KCNK10: variants seen among roughly 807,000 people sequenced by gnomAD.
The protein encoded by KCNK10 is potassium channel subfamily K member 10.
KCNK10 carries 25 observed loss-of-function variants against 47.7 expected under a neutral mutation model. The observed-to-expected ratio is 0.52, with a 90% confidence interval of 0.38 to 0.73. KCNK10 has a LOEUF of 0.73. Ranked by LOEUF, KCNK10 falls within the 30% of genes least tolerant of loss-of-function variation. KCNK10 has a pLI of 0.00. For missense variants in KCNK10, 563 were observed against 714.5 expected, an observed-to-expected ratio of 0.79 and a Z score of 2.42; for synonymous variants, 303 against 285.6, an observed-to-expected ratio of 1.06 and a Z score of -0.61.
In KCNK10 at chr14:88,322,632, A is replaced by G; in HGVS notation, c.52+115T>C. On this transcript the variant is annotated intron_variant, in intron 1 of 6. Coordinates refer to ENST00000319231, the MANE Select transcript of KCNK10 (RefSeq NM_138317.3). The surrounding 1 kb of genome is among the most constrained non-coding windows in gnomAD (Gnocchi z 4.8). ...CACCCGCGCTGCAGTTCCCAGGCGCATTTCCCAGCCTCAGGACACACGCTG... is the reference window on the plus strand; with the variant it reads ...CACCCGCGCTGCAGTTCCCAGGCGCGTTTCCCAGCCTCAGGACACACGCTG... 1 of 1,449,560 alleles carries G rather than the reference A, an allele frequency of 6.9e-7. No individual in the cohort carries two copies. Among genetic ancestry groups the G allele is most frequent in the South Asian group, 1.2e-5 (1 of 84,712 alleles). The allele number at this position is 1,449,560 out of a possible 1,614,324, so 89.8% of individuals were successfully genotyped here. A position where few individuals can be genotyped will look rare whatever the true frequency, so the allele number is the denominator to read the frequency against.
In KCNK10 at chr14:88,287,674, GGTGTGTGTGTGTGTGTGTGT is replaced by G. The variant is rs199702993; in HGVS notation, c.53-24143_53-24124del. On this transcript the variant is annotated intron_variant, in intron 1 of 6. Transcript: ENST00000319231. Reference sequence around the variant, plus strand: ...TTTTTATGGCTGAATAGTATTCCATGGTGTGTGTGTGTGTGTGTGTGTGTGTGTGTGTGTGTGTGTGTGTG... The same window carrying G: ...TTTTTATGGCTGAATAGTATTCCATGGTGTGTGTGTGTGTGTGTGTGTGTG... Among the ~76,000 whole-genome samples, 524 of 141,628 alleles carry G rather than the reference GGTGTGTGTGTGTGTGTGTGT, an allele frequency of 3.7e-3. 4 individuals are homozygous for G. The highest frequency in any genetic ancestry group is 0.01 in the East Asian group (51 of 4,872). 92.9% of individuals were successfully genotyped at this position (141,628 alleles called of 152,430 possible). A position where few individuals can be genotyped will look rare whatever the true frequency, so the allele number is the denominator to read the frequency against.
chr14:88,253,418 T>C (rs891778100), intron 2 of KCNK10, among the ~76,000 whole-genome samples: 1 of 152,142 alleles, frequency 6.6e-6, no homozygotes, highest in African/African-American at 2.4e-5. Flanking sequence ...ATGATGAATA[T>C]GCTAATTTCC....
chr14:88,180,545 C>T lies in KCNK10; in HGVS notation c.*4990G>A. ...GCATAGGTCTGCTGAATCGACGGAG[C>T]AGGAGTCCTCTCAAAATAATTTATT... is the stretch of plus-strand genomic sequence containing the variant. On this transcript the variant is annotated 3_prime_UTR_variant, in exon 7 of 7. Coordinates refer to ENST00000319231, the MANE Select transcript of KCNK10 (RefSeq NM_138317.3). The T allele has an allele frequency of 5.6e-6, 2 of 358,360 alleles. No homozygotes were observed. Among genetic ancestry groups the T allele is most frequent in the Admixed American group, 9.3e-5 (2 of 21,550 alleles). The allele number at this position is 358,360 out of a possible 1,614,324, so 22.2% of individuals were successfully genotyped here. A position where few individuals can be genotyped will look rare whatever the true frequency, so the allele number is the denominator to read the frequency against.
At chr14:88,302,004 C>T (rs1039475650) in intron 1 of KCNK10, among the ~76,000 whole-genome samples, 16 of 152,078 alleles carry the variant, frequency 1.1e-4, no homozygotes, top group African/African-American at 2.9e-4. Flanking sequence ...CAGGAAGATG[C>T]GTGGAATGAG....
chr14:88,276,031 C>T (rs1162732431), intron 1 of KCNK10, among the ~76,000 whole-genome samples: 3 of 152,150 alleles, frequency 2.0e-5, no homozygotes, highest in Non-Finnish European at 4.4e-5. Context: ...CCCAACAGCT[C>T]CACTACAGCT....
At chr14:88,258,954 T>A (rs1887035783) in intron 2 of KCNK10, among the ~76,000 whole-genome samples, 1 of 152,338 alleles carries the variant, frequency 6.6e-6, no homozygotes, top group Middle Eastern at 3.4e-3. Flanking sequence ...CTTGGCTTTA[T>A]GAGGGGTTCA....
intron 2 of KCNK10, among the ~76,000 whole-genome samples, chr14:88,257,107 C>T (rs1886978523): frequency 6.6e-6 from 1 of 152,176 alleles, no homozygotes; most frequent in African/African-American, 2.4e-5. Context: ...TCTCTGTCAA[C>T]TTTCTTAAAT....
At chr14:88,323,850 AT>A (rs904175931), upstream of KCNK10, 4 of 151,428 alleles carry the variant, frequency 2.6e-5, no homozygotes, top group East Asian at 4.0e-4. Context: ...TTCTCACTTC[AT>A]TTTTTTTCCT....
chr14:88,210,149 C>T (rs1566686491), intron 4 of KCNK10, among the ~76,000 whole-genome samples: 1 of 152,186 alleles, frequency 6.6e-6, no homozygotes, highest in Non-Finnish European at 1.5e-5. Flanking sequence ...CCATTATTAT[C>T]CTCATTTTTT....
intron 2 of KCNK10, among the ~76,000 whole-genome samples, chr14:88,252,852 G>T (rs535313814): frequency 6.6e-6 from 1 of 152,176 alleles, no homozygotes; most frequent in African/African-American, 2.4e-5. Context: ...AGAGCTCTGC[G>T]TTAGAAGGCA....
intron 2 of KCNK10, among the ~76,000 whole-genome samples, chr14:88,251,232 CAAAAAAAAAAA>C (rs1160023262): frequency 1.4e-5 from 1 of 70,204 alleles, no homozygotes; most frequent in Admixed American, 1.8e-4. Flanking sequence ...GACTCTGTCT[CAAAAAAAAAAA>C]AAAAAAAAAA....
Position 88,181,407 on chromosome 14 carries a change from T to TGC in KCNK10, c.*4127_*4128insGC, listed in dbSNP as rs1491585572. The TGC allele has an allele frequency of 2.6e-5, 3 of 115,594 alleles. No individual in the cohort carries two copies. Among genetic ancestry groups the TGC allele is most frequent in the Non-Finnish European group, 5.2e-5 (3 of 57,152 alleles). The allele number at this position is 115,594 out of a possible 1,614,324, so 7.2% of individuals were successfully genotyped here. ...TTCCTCAGGTGTGTGTGTGTGTGTG[T>TGC]ATGTGTGCGTGTGTGTGTGTGTGTG... is the stretch of plus-strand genomic sequence containing the variant. On this transcript the variant is annotated 3_prime_UTR_variant, in exon 7 of 7. Coordinates refer to ENST00000319231, the MANE Select transcript of KCNK10 (RefSeq NM_138317.3).
intron 1 of KCNK10, among the ~76,000 whole-genome samples, chr14:88,320,701 C>T (rs1363597231): frequency 6.6e-6 from 1 of 152,296 alleles, no homozygotes; most frequent in South Asian, 2.1e-4. Context: ...CTACTCCGTC[C>T]GCTTCTCCAT....
chr14:88,320,956 C>T (rs952508597), intron 1 of KCNK10, among the ~76,000 whole-genome samples: 4 of 152,230 alleles, frequency 2.6e-5, no homozygotes, highest in African/African-American at 7.2e-5. Flanking sequence ...AAAACACAAG[C>T]CCTCTTGCTC....
chr14:88,205,522 TTTTTCTTTTC>T (rs1205609940), intron 4 of KCNK10, among the ~76,000 whole-genome samples: 2 of 151,004 alleles, frequency 1.3e-5, no homozygotes, highest in Middle Eastern at 6.8e-3. Flanking sequence ...GCACAGTGCA[TTTTTCTTTTC>T]TTTTCTTTTC....
At chr14:88,244,842 C>T (rs983244863) in intron 2 of KCNK10, among the ~76,000 whole-genome samples, 8 of 152,162 alleles carry the variant, frequency 5.3e-5, no homozygotes. Context: ...ATTTCAGACT[C>T]AGTGAGCATC....
intron 1 of KCNK10, among the ~76,000 whole-genome samples, chr14:88,292,475 G>A (rs1392752558): frequency 6.6e-6 from 1 of 151,964 alleles, no homozygotes; most frequent in African/African-American, 2.4e-5. Context: ...TCAGCATCCT[G>A]AGTATCTGGG....
chr14:88,213,563 G>A (rs899641310), intron 4 of KCNK10, among the ~76,000 whole-genome samples: 3 of 152,150 alleles, frequency 2.0e-5, no homozygotes, highest in African/African-American at 7.2e-5. Context: ...AGCATCACTA[G>A]ACTTTCACTA....
chr14:88,262,116 A>G (rs1269296680), intron 2 of KCNK10, among the ~76,000 whole-genome samples: 1 of 152,214 alleles, frequency 6.6e-6, no homozygotes, highest in Non-Finnish European at 1.5e-5. Context: ...AGCCATTAGA[A>G]TTTAATGTGC....
Sources: allele counts gnomAD v4.1 joint callset (sites outside exome capture counted in the v4.1 genomes callset), GRCh38; gene constraint gnomAD v4.1.1; non-coding constraint Gnocchi (gnomAD v3.1); transcripts MANE v1.5; gene names NCBI Gene and HGNC (gene_info 2026-07-23, HGNC 2026-07-21).